BRINP3: variants seen among roughly 807,000 people sequenced by gnomAD.
BRINP3 encodes BMP/retinoic acid-inducible neural-specific protein 3.
Under a neutral mutation model 71.0 loss-of-function variants are expected in BRINP3, and 19 were observed. The observed-to-expected ratio is 0.27, with a 90% CI of 0.19 to 0.39. The LOEUF (loss-of-function observed/expected upper bound fraction) is 0.39. Ranked by LOEUF, BRINP3 falls within the 10% of genes least tolerant of loss-of-function variation. The probability of loss-of-function intolerance (pLI) is 1.00; values close to 1 mark genes in which losing one functional copy is unlikely to be tolerated. For missense variants in BRINP3, 959 were observed against 940.8 expected, an observed-to-expected ratio of 1.02 and a Z score of -0.25; for synonymous variants, 380 against 337.7, an observed-to-expected ratio of 1.13 and a Z score of -1.37.
At chr1:190,462,978 A>G (rs1471115280) in intron 1 of BRINP3, among the ~76,000 whole-genome samples, 1 of 107,790 alleles carries the variant, frequency 9.3e-6, no homozygotes, top group East Asian at 2.9e-4. Context: ...TTAAAGTGAT[A>G]GTTTAAATCT....
intron 2 of BRINP3, among the ~76,000 whole-genome samples, chr1:190,384,796 A>G (rs917688669): frequency 5.9e-5 from 9 of 151,902 alleles, no homozygotes; most frequent in Non-Finnish European, 1.2e-4. Flanking sequence ...CCAAACCACT[A>G]TATTATAATT....
At chr1:190,387,790 C>T (rs1213272380) in intron 2 of BRINP3, among the ~76,000 whole-genome samples, 1 of 151,844 alleles carries the variant, frequency 6.6e-6, no homozygotes, top group Non-Finnish European at 1.5e-5. Context: ...AGCTTCGTGG[C>T]TTTAAATGTC....
At chr1:190,170,272 G>T in intron 6 of BRINP3, among the ~76,000 whole-genome samples, 1 of 151,974 alleles carries the variant, frequency 6.6e-6, no homozygotes, top group African/African-American at 2.4e-5. Flanking sequence ...GAAAATAATA[G>T]ACCTGAGGAA....
At chr1:190,383,199 T>A (rs1201002308) in intron 2 of BRINP3, among the ~76,000 whole-genome samples, 2 of 152,150 alleles carry the variant, frequency 1.3e-5, no homozygotes, top group Non-Finnish European at 2.9e-5. Flanking sequence ...TTTAAATTTT[T>A]TATTGAGCCA....
chr1:190,165,840 CAG>C (rs1489740423), intron 6 of BRINP3, among the ~76,000 whole-genome samples: 2 of 152,032 alleles, frequency 1.3e-5, no homozygotes, highest in Admixed American at 6.6e-5. Flanking sequence ...AAAGTTGAGA[CAG>C]AGAAATTCCA....
intron 7 of BRINP3, among the ~76,000 whole-genome samples, chr1:190,159,105 A>C (rs551458497): frequency 7.8e-4 from 119 of 152,134 alleles, no homozygotes; most frequent in Non-Finnish European, 1.5e-3. Context: ...AAAGATGTTC[A>C]AAGCACATGA....
At chr1:190,409,091 T>C (rs1672488832) in intron 2 of BRINP3, among the ~76,000 whole-genome samples, 1 of 152,092 alleles carries the variant, frequency 6.6e-6, no homozygotes, top group Non-Finnish European at 1.5e-5. Flanking sequence ...ATCAATGTTG[T>C]AGTGCTGAGG....
intron 2 of BRINP3, among the ~76,000 whole-genome samples, chr1:190,327,326 C>CAAAAAAAAAAAAAAAAAAA (rs1227478693): frequency 3.6e-4 from 16 of 44,238 alleles, no homozygotes; most frequent in Admixed American, 6.3e-4. Context: ...AAAAAAAGAA[C>CAAAAAAAAAAAAAAAAAAA]AAAAAAAAAA....
intron 2 of BRINP3, among the ~76,000 whole-genome samples, chr1:190,290,893 T>TTG (rs145783281): frequency 7.4e-4 from 112 of 150,836 alleles, no homozygotes; most frequent in African/African-American, 2.3e-3. Context: ...CTGTGAGTGT[T>TTG]TGTGTGTGTG....
chr1:190,252,415 T>C (rs1393649499), intron 4 of BRINP3, among the ~76,000 whole-genome samples: 1 of 152,120 alleles, frequency 6.6e-6, no homozygotes, highest in Non-Finnish European at 1.5e-5. Context: ...GTTTTCTTTC[T>C]GCTTATTGAA....
At chr1:190,235,939 G>A (rs531880238) in intron 4 of BRINP3, among the ~76,000 whole-genome samples, 109 of 151,972 alleles carry the variant, frequency 7.2e-4, no homozygotes, top group African/African-American at 2.6e-3. Flanking sequence ...CTAAAAATGC[G>A]GGAGTTTTTG....
chr1:190,397,697 G>A (rs978762074), intron 2 of BRINP3, among the ~76,000 whole-genome samples: 1 of 151,908 alleles, frequency 6.6e-6, no homozygotes, highest in Non-Finnish European at 1.5e-5. Context: ...TCCTTTTGGA[G>A]TTTGAATACA....
intron 2 of BRINP3, among the ~76,000 whole-genome samples, chr1:190,304,554 GA>G (rs1297894705): frequency 6.6e-6 from 1 of 151,712 alleles, no homozygotes; most frequent in African/African-American, 2.4e-5. Flanking sequence ...ATGGCACTGG[GA>G]AAACGATATT....
intron 2 of BRINP3, among the ~76,000 whole-genome samples, chr1:190,428,144 G>C (rs1363812396): frequency 6.6e-6 from 1 of 151,496 alleles, no homozygotes; most frequent in Non-Finnish European, 1.5e-5. Flanking sequence ...TAGTTTTTTG[G>C]TTATGAGATA....
intron 4 of BRINP3, among the ~76,000 whole-genome samples, chr1:190,257,498 C>A (rs1258092785): frequency 6.6e-6 from 1 of 152,150 alleles, no homozygotes; most frequent in African/African-American, 2.4e-5. Context: ...GAGTTATTCT[C>A]CATCTAGCTT....
At chr1:190,384,464 G>C (rs1243272277) in intron 2 of BRINP3, among the ~76,000 whole-genome samples, 2 of 151,536 alleles carry the variant, frequency 1.3e-5, no homozygotes, top group African/African-American at 2.4e-5. Flanking sequence ...TATTGCTGGA[G>C]ATAAATATCA....
intron 6 of BRINP3, among the ~76,000 whole-genome samples, chr1:190,205,195 G>C (rs1400464367): frequency 1.3e-5 from 2 of 151,754 alleles, no homozygotes; most frequent in Non-Finnish European, 2.9e-5. Context: ...ATGTACTATA[G>C]AGGATGAATA....
Position 190,432,001 on chromosome 1 carries a change from T to G in BRINP3, c.236+22654A>C, listed in dbSNP as rs575063709. On this transcript the variant is annotated intron_variant, in intron 2 of 7. Transcript: ENST00000367462. The stretch of plus-strand genomic sequence containing the variant: ...CAAAATAAGAACCAAATAATGCTAT[T>G]AAAAGGACTATACTAAAGGTACTAG... Among the ~76,000 whole-genome samples, 19 of 152,220 alleles carry G rather than the reference T, an allele frequency of 1.2e-4. No individual in the cohort carries two copies. The South Asian group carries it at 3.3e-3, about 27-fold the overall frequency.
chr1:190,127,953 A>T (rs1571777206), intron 7 of BRINP3, among the ~76,000 whole-genome samples: 1 of 151,968 alleles, frequency 6.6e-6, no homozygotes, highest in Non-Finnish European at 1.5e-5. Flanking sequence ...ATAGGGAAAG[A>T]AAAGACAAAG....
Sources: allele counts gnomAD v4.1 joint callset (sites outside exome capture counted in the v4.1 genomes callset), GRCh38; gene constraint gnomAD v4.1.1; transcripts MANE v1.5; gene names NCBI Gene and HGNC (gene_info 2026-07-23, HGNC 2026-07-21).